Variants in HHIP observed in about 807,000 individuals in gnomAD.
HHIP encodes hedgehog interacting protein.
A neutral mutation model predicts 74.0 loss-of-function variants in HHIP; 12 were observed. The ratio of observed to expected loss-of-function variants is 0.16; its 90% CI spans 0.10 to 0.26. HHIP has a LOEUF of 0.26. Ranked by LOEUF, HHIP falls within the 10% of genes least tolerant of loss-of-function variation. The pLI, the probability that HHIP is intolerant of heterozygous loss-of-function variation, is 1.00. For synonymous variants in HHIP, 309 were observed against 311.6 expected (o/e 0.99, Z 0.09); for missense variants, 788 against 845.0 (o/e 0.93, Z 0.84).
At chr4:144,690,282 A>G (rs1020729605) in intron 4 of HHIP, among the ~76,000 whole-genome samples, 26 of 152,150 alleles carry the variant, frequency 1.7e-4, no homozygotes, top group African/African-American at 5.1e-4. Context: ...AGAATAATAA[A>G]ACTTGATTTC....
chr4:144,674,384 T>C (rs1302034598), intron 4 of HHIP, among the ~76,000 whole-genome samples: 1 of 152,226 alleles, frequency 6.6e-6, no homozygotes, highest in South Asian at 2.1e-4. Context: ...AGACTTGTTT[T>C]AATCAGGAAA....
intron 4 of HHIP, among the ~76,000 whole-genome samples, chr4:144,684,515 G>C (rs964705936): frequency 2.0e-5 from 3 of 151,472 alleles, no homozygotes; most frequent in African/African-American, 7.3e-5. Flanking sequence ...TCCCGACCTC[G>C]TGATCCGCCC....
Position 144,672,688 on chromosome 4 carries a change from AT to A in HHIP, c.831+12857del, listed in dbSNP as rs200966108. On this transcript the variant is annotated intron_variant, in intron 4 of 12. Transcript: ENST00000296575. ...TGACTTAAACTTTTAATTTTGTATT[AT>A]TTTTTTAATTTTTATTTTATTTATT... Among the ~76,000 whole-genome samples, 1,343 of 149,316 alleles carry A rather than the reference AT, an allele frequency of 9.0e-3. 28 individuals carry two copies. Among genetic ancestry groups the A allele is most frequent in the African/African-American group, 0.033 (1,268 of 38,946 alleles).
Position 144,658,724 on chromosome 4 carries a change from T to C in HHIP, c.473-66T>C. 4 of 1,344,842 alleles carry C rather than the reference T, an allele frequency of 3.0e-6. No individual in the cohort carries two copies. The South Asian group carries it at 4.1e-5, about 14-fold the overall frequency. The allele number at this position is 1,344,842 out of a possible 1,614,324, so 83.3% of individuals were successfully genotyped here. ...AAAATTCTTTTCCTCATCTTATATC[T>C]TTCAAATAAGGTGGTTTTACTATGA... On this transcript the variant is annotated intron_variant, in intron 2 of 12. Coordinates refer to ENST00000296575, the MANE Select transcript of HHIP (RefSeq NM_022475.3).
chr4:144,729,404 C>G (rs1487330663), intron 11 of HHIP, among the ~76,000 whole-genome samples: 1 of 152,166 alleles, frequency 6.6e-6, no homozygotes, highest in Non-Finnish European at 1.5e-5. Flanking sequence ...GCATTCTGTA[C>G]TTGGAAGTGC....
In HHIP at chr4:144,742,953, TA is replaced by T. The variant is rs1560729044; in HGVS notation, c.*4997del. The T allele has an allele frequency of 4.4e-3, 39 of 8,808 alleles. 1 individual carries two copies. The highest frequency in any genetic ancestry group is 7.1e-3 in the African/African-American group (38 of 5,390). 0.5% of individuals were successfully genotyped at this position (8,808 alleles called of 1,614,324 possible). On this transcript the variant is annotated 3_prime_UTR_variant, in exon 13 of 13. Coordinates refer to ENST00000296575, the MANE Select transcript of HHIP (RefSeq NM_022475.3). Reference sequence around the variant, plus strand: ...TTATATATATCTTATATATATATCTTATACATATAAGATATATGTATATATA... The same window carrying T: ...TTATATATATCTTATATATATATCTTTACATATAAGATATATGTATATATA...
rs747868532 is a variant in HHIP at position 144,706,623 on chromosome 4, A to G, written c.924A>G (p.Glu308=). Residue 308 remains glutamate, a synonymous_variant, in exon 5 of 13, where the codon GAA becomes GAG. Coordinates refer to ENST00000296575, the MANE Select transcript of HHIP (RefSeq NM_022475.3). ...ATGTGTCCTATACCACCAACCAAGA[A>G]CGGTGGGCTATCGGGCCTCATGACC... ...KLYVSYTTNQ[E]RWAIGPHDHI... 2 of 1,613,830 alleles carry G rather than the reference A, an allele frequency of 1.2e-6. No homozygotes were observed. The highest frequency in any genetic ancestry group is 1.3e-5 in the African/African-American group (1 of 75,040).
intron 10 of HHIP, among the ~76,000 whole-genome samples, chr4:144,717,318 T>C (rs1730481846): frequency 6.6e-6 from 1 of 152,192 alleles, no homozygotes; most frequent in Admixed American, 6.5e-5. Flanking sequence ...TTAAATGAAG[T>C]AAACTATAAA....
At position 144,725,916 on chromosome 4, in the gene HHIP, C is replaced by T. The variant is rs182928819; in HGVS notation, c.1760+6960C>T. ...GAACTCCTGGCCTCAGGTGATCTGC[C>T]TGGCTCGGCCTCCCAAAGTGCTGGG... is the stretch of plus-strand genomic sequence containing the variant. On this transcript the variant is annotated intron_variant, in intron 11 of 12. Coordinates refer to ENST00000296575, the MANE Select transcript of HHIP (RefSeq NM_022475.3). 3.9e-5 allele frequency among the ~76,000 whole-genome samples: 6 copies of T among 152,280 alleles called. No homozygotes were observed. The East Asian group carries it at 1.2e-3, about 29-fold the overall frequency.
chr4:144,706,935 C>T (rs1294643158), intron 5 of HHIP, 152 bp from the exon 6 acceptor site: 1 of 728,468 alleles, frequency 1.4e-6, no homozygotes, highest in Non-Finnish European at 2.2e-6. Flanking sequence ...ATGTGATTTT[C>T]CAGCAATTTC....
intron 4 of HHIP, among the ~76,000 whole-genome samples, chr4:144,699,236 T>A (rs142733878): frequency 1.3e-5 from 2 of 152,184 alleles, no homozygotes; most frequent in African/African-American, 2.4e-5. Flanking sequence ...GCCTTCAGCC[T>A]TGGTAATTCA....
At chr4:144,679,349 T>C (rs1426718906) in intron 4 of HHIP, among the ~76,000 whole-genome samples, 3 of 152,218 alleles carry the variant, frequency 2.0e-5, no homozygotes, top group Admixed American at 6.5e-5. Context: ...CTGATGATAG[T>C]TTCTTTTGCT....
chr4:144,733,972 T>C (rs1476322355), intron 11 of HHIP, among the ~76,000 whole-genome samples: 1 of 152,114 alleles, frequency 6.6e-6, no homozygotes, highest in Non-Finnish European at 1.5e-5. Context: ...AATAAGATGT[T>C]TCTGTTTGCT....
intron 4 of HHIP, among the ~76,000 whole-genome samples, chr4:144,699,726 G>T (rs745539423): frequency 6.6e-6 from 1 of 151,976 alleles, no homozygotes; most frequent in Non-Finnish European, 1.5e-5. Context: ...GAGGCTTTGT[G>T]CCAAGAACTG....
chr4:144,711,626 T>C (rs549760624), intron 7 of HHIP, among the ~76,000 whole-genome samples: 3 of 152,340 alleles, frequency 2.0e-5, no homozygotes, highest in African/African-American at 7.2e-5. Context: ...CACCGATTCT[T>C]ATTCACAATA....
chr4:144,676,480 G>A (rs548962201), intron 4 of HHIP, among the ~76,000 whole-genome samples: 1 of 152,168 alleles, frequency 6.6e-6, no homozygotes. Flanking sequence ...AATTTTGCAT[G>A]AAAGTAAATT....
intron 11 of HHIP, among the ~76,000 whole-genome samples, chr4:144,722,759 C>T (rs955163565): frequency 1.4e-4 from 22 of 152,148 alleles, no homozygotes; most frequent in African/African-American, 5.3e-4. Flanking sequence ...GAGGCTGAAG[C>T]AGGATAATCA....
In HHIP at chr4:144,720,204, A is replaced by G. The variant is rs575889016; in HGVS notation, c.1760+1248A>G. Among the ~76,000 whole-genome samples the G allele has an allele frequency of 1.7e-3, 259 of 152,332 alleles. 2 individuals are homozygous for G. The highest frequency in any genetic ancestry group is 6.1e-3 in the African/African-American group (252 of 41,576). On this transcript the variant is annotated intron_variant, in intron 11 of 12. Transcript: ENST00000296575. Reference sequence around the variant, plus strand: ...AATTAATGACCTCCATAAGAAAAGCAAAGATAAATGAAAATAAAATCAGAC... The same window carrying G: ...AATTAATGACCTCCATAAGAAAAGCGAAGATAAATGAAAATAAAATCAGAC...
Position 144,740,865 on chromosome 4 carries a change from A to G in HHIP, c.*2908A>G, listed in dbSNP as rs892151737. On this transcript the variant is annotated 3_prime_UTR_variant, in exon 13 of 13. Transcript: ENST00000296575. ...TATTATTATTCCCTTGTCCATTCTC[A>G]AGTTTAAGCTGCGGTTGTCAGTTGA... 3.3e-5 allele frequency: 5 copies of G among 152,202 alleles called. No individual in the cohort carries two copies. Among genetic ancestry groups the G allele is most frequent in the Non-Finnish European group, 7.4e-5 (5 of 68,026 alleles). 9.4% of individuals were successfully genotyped at this position (152,202 alleles called of 1,614,324 possible).
Sources: gnomAD v4.1 joint callset for allele counts (sites outside exome capture counted in the v4.1 genomes callset) on GRCh38, gnomAD v4.1.1 for gene constraint, MANE v1.5 for transcripts, NCBI Gene and HGNC (gene_info 2026-07-23, HGNC 2026-07-21) for gene names.